Variants in HHAT observed in about 807,000 individuals in gnomAD.
HHAT encodes the protein protein-cysteine N-palmitoyltransferase HHAT.
A neutral mutation model predicts 70.8 loss-of-function variants in HHAT; 47 were observed. The ratio of observed to expected loss-of-function variants is 0.66; its 90% CI spans 0.53 to 0.85. The LOEUF is 0.85. HHAT is among the 40% of genes least tolerant of loss of function. HHAT has a pLI of 0.00. For missense variants in HHAT, 609 were observed against 604.8 expected, an observed-to-expected ratio of 1.01 and a Z score of -0.07; for synonymous variants, 228 against 247.6, an observed-to-expected ratio of 0.92 and a Z score of 0.74.
At chr1:210,375,454 T>C (rs1006667340) in intron 3 of HHAT, among the ~76,000 whole-genome samples, 8 of 152,190 alleles carry the variant, frequency 5.3e-5, no homozygotes, top group Non-Finnish European at 1.0e-4. Context: ...GATTCATGTA[T>C]GTATGCCATA....
chr1:210,330,989 T>C (rs1212663017), intron 1 of HHAT, among the ~76,000 whole-genome samples: 1 of 152,058 alleles, frequency 6.6e-6, no homozygotes, highest in Non-Finnish European at 1.5e-5. Context: ...AATTTTTGTA[T>C]TTTTAGTAGA....
At chr1:210,573,446 A>G (rs145094446) in intron 9 of HHAT, among the ~76,000 whole-genome samples, 1,733 of 152,318 alleles carry the variant, frequency 0.011, 22 homozygotes, top group Middle Eastern at 0.027. Flanking sequence ...ATCCAGCACA[A>G]AGGCCAACTC....
At chr1:210,615,912 T>C (rs1275758074) in intron 10 of HHAT, among the ~76,000 whole-genome samples, 3 of 152,320 alleles carry the variant, frequency 2.0e-5, no homozygotes, top group South Asian at 2.1e-4. Context: ...GCAGTCTGTC[T>C]GTTCTCAGAT....
chr1:210,497,491 T>A (rs1290003746), intron 8 of HHAT, among the ~76,000 whole-genome samples: 1 of 152,202 alleles, frequency 6.6e-6, no homozygotes. Flanking sequence ...CATTTCTTGA[T>A]ATAAAGTGAG....
intron 7 of HHAT, among the ~76,000 whole-genome samples, chr1:210,445,042 G>A (rs1409933516): frequency 6.6e-6 from 1 of 152,032 alleles, no homozygotes; most frequent in African/African-American, 2.4e-5. Flanking sequence ...GTTTCACCAT[G>A]TTGGTCAGGC....
At chr1:210,638,952 G>T (rs1415450077) in intron 11 of HHAT, among the ~76,000 whole-genome samples, 1 of 151,970 alleles carries the variant, frequency 6.6e-6, no homozygotes, top group Non-Finnish European at 1.5e-5. Context: ...TGTGGTGATG[G>T]TTCAACAACT....
chr1:210,346,600 A>C (rs1033314272), intron 1 of HHAT, among the ~76,000 whole-genome samples: 2 of 152,240 alleles, frequency 1.3e-5, no homozygotes, highest in African/African-American at 4.8e-5. Context: ...CTTAGGTTGC[A>C]GGAAAAGTCC....
Position 210,466,643 on chromosome 1 carries a change from C to A in HHAT, c.1007+1988C>A, listed in dbSNP as rs149470318. On this transcript the variant is annotated intron_variant, in intron 8 of 11. Transcript: ENST00000261458. ...TGGCTGGCATGATAAAACCATAACT[C>A]CCTGGCACACATGCTGGTTTCTGGG... Among the ~76,000 whole-genome samples, 49 of 152,350 alleles carry A rather than the reference C, an allele frequency of 3.2e-4. 1 individual carries two copies. In the East Asian group the frequency reaches 7.5e-3, roughly 23 times the overall value.
At chr1:210,433,108 T>C (rs1228112624) in intron 7 of HHAT, among the ~76,000 whole-genome samples, 1 of 151,752 alleles carries the variant, frequency 6.6e-6, no homozygotes, top group African/African-American at 2.4e-5. Context: ...ATCCTTCATC[T>C]CTAAATCTCA....
chr1:210,665,545 A>G (rs6678911), intron 11 of HHAT, among the ~76,000 whole-genome samples: 49,552 of 152,126 alleles, frequency 0.33, 8,308 homozygotes, highest in East Asian at 0.38. Context: ...TGCACAGTGG[A>G]TGAGCCAGAG....
intron 7 of HHAT, among the ~76,000 whole-genome samples, chr1:210,463,726 C>G (rs2094031398): frequency 6.6e-6 from 1 of 151,480 alleles, no homozygotes; most frequent in African/African-American, 2.4e-5. Flanking sequence ...TGGGGAACCA[C>G]CAGACTGTTT....
Position 210,569,095 on chromosome 1 carries a change from C to T in HHAT, c.1044-18803C>T, listed in dbSNP as rs188142305. ...GTGTCAGAAGTATAGCAGCAGAGGC[C>T]GGGCACAATGGCTCATGCCTGTAAT... On this transcript the variant is annotated intron_variant, in intron 9 of 11. Coordinates refer to ENST00000261458, the MANE Select transcript of HHAT (RefSeq NM_018194.6). Among the ~76,000 whole-genome samples the T allele has an allele frequency of 2.4e-3, 360 of 152,138 alleles. 2 individuals are homozygous for T. The highest frequency in any genetic ancestry group is 8.2e-3 in the African/African-American group (341 of 41,506).
chr1:210,645,332 C>T (rs769321633), intron 11 of HHAT, among the ~76,000 whole-genome samples: 22 of 152,138 alleles, frequency 1.4e-4, no homozygotes, highest in Non-Finnish European at 2.5e-4. Context: ...GGCTGAAGTT[C>T]GGTGGCACGA....
At chr1:210,471,767 G>C (rs907883034) in intron 8 of HHAT, among the ~76,000 whole-genome samples, 1 of 152,166 alleles carries the variant, frequency 6.6e-6, no homozygotes, top group Non-Finnish European at 1.5e-5. Context: ...AAGCCCATTA[G>C]ATGTTAATAT....
intron 3 of HHAT, among the ~76,000 whole-genome samples, chr1:210,384,962 C>A (rs1402853004): frequency 6.6e-6 from 1 of 152,140 alleles, no homozygotes; most frequent in African/African-American, 2.4e-5. Flanking sequence ...GAAGAATAGA[C>A]ATGAGAGAGA....
intron 8 of HHAT, among the ~76,000 whole-genome samples, chr1:210,471,074 G>A (rs1321803025): frequency 2.0e-5 from 3 of 152,154 alleles, no homozygotes; most frequent in African/African-American, 7.2e-5. Flanking sequence ...AAGCTATGCT[G>A]AATGGACAGG....
chr1:210,445,344 C>T (rs943108842), intron 7 of HHAT, among the ~76,000 whole-genome samples: 1 of 152,138 alleles, frequency 6.6e-6, no homozygotes, highest in African/African-American at 2.4e-5. Context: ...TTTAAAAGGT[C>T]ACCTTGGCTT....
At chr1:210,369,720 CAG>C (rs1209913798) in intron 3 of HHAT, 1 of 152,350 alleles carries the variant, frequency 6.6e-6, no homozygotes, top group Non-Finnish European at 1.5e-5. Flanking sequence ...CTTGTAGAGA[CAG>C]AGGGTGCAGA....
upstream of HHAT, among the ~76,000 whole-genome samples, chr1:210,327,752 T>C (rs1029931714): frequency 2.6e-5 from 4 of 152,108 alleles, no homozygotes; most frequent in African/African-American, 9.6e-5. Context: ...GTGATCCTCC[T>C]GCTACCGCTC....
Sources: gnomAD v4.1 joint callset for allele counts (sites outside exome capture counted in the v4.1 genomes callset) on GRCh38, gnomAD v4.1.1 for gene constraint, MANE v1.5 for transcripts, NCBI Gene and HGNC (gene_info 2026-07-23, HGNC 2026-07-21) for gene names.